The following MGAT3 variants were observed in gnomAD, a reference collection of about 807,000 sequenced individuals.
MGAT3 encodes beta-1,4-mannosyl-glycoprotein 4-beta-N-acetylglucosaminyltransferase, also known as GlcNAc-T III.
A neutral mutation model predicts 29.8 loss-of-function variants in MGAT3; 9 were observed. The ratio of observed to expected loss-of-function variants is 0.30; its 90% CI spans 0.18 to 0.53. MGAT3 has a LOEUF of 0.53. Ranked by LOEUF, MGAT3 falls within the 20% of genes least tolerant of loss-of-function variation. The pLI, the probability that MGAT3 is intolerant of heterozygous loss-of-function variation, is 0.96. For synonymous variants in MGAT3, 397 were observed against 348.9 expected (o/e 1.14, Z -1.54); for missense variants, 557 against 769.5 (o/e 0.72, Z 3.27).
chr22:39,476,168 T>A (rs190495321), intron 1 of MGAT3, among the ~76,000 whole-genome samples: 141 of 101,992 alleles, frequency 1.4e-3, no homozygotes, highest in Middle Eastern at 8.3e-3. Context: ...GGGGAGAGAG[T>A]GGTGCACAGG....
chr22:39,467,462 T>C (rs1345924532), intron 1 of MGAT3, among the ~76,000 whole-genome samples: 2 of 152,218 alleles, frequency 1.3e-5, no homozygotes, highest in East Asian at 3.9e-4. Context: ...CAGCCCCATC[T>C]CTTTGGTTCC....
intron 1 of MGAT3, among the ~76,000 whole-genome samples, chr22:39,473,183 T>G (rs1288445006): frequency 6.6e-6 from 1 of 152,168 alleles, no homozygotes; most frequent in African/African-American, 2.4e-5. Context: ...ATTCCCCTCC[T>G]TAGTCCTGTG....
intron 1 of MGAT3, among the ~76,000 whole-genome samples, chr22:39,462,226 C>T (rs1416488696): frequency 6.6e-6 from 1 of 152,208 alleles, no homozygotes; most frequent in East Asian, 1.9e-4. Flanking sequence ...TACATCTTAG[C>T]TGCAGCATCT....
intron 1 of MGAT3, chr22:39,477,686 G>T (rs988827923): frequency 6.6e-6 from 1 of 152,204 alleles, no homozygotes; most frequent in Non-Finnish European, 1.5e-5. Context: ...CTTTTAGATC[G>T]GAGAAGACTG....
At chr22:39,475,128 CTTTTTTTT>C (rs58543840) in intron 1 of MGAT3, among the ~76,000 whole-genome samples, 1 of 118,800 alleles carries the variant, frequency 8.4e-6, no homozygotes, top group African/African-American at 3.7e-5. Flanking sequence ...GCTTGCCAGG[CTTTTTTTT>C]TTTTTTTTTT....
intron 1 of MGAT3, among the ~76,000 whole-genome samples, chr22:39,470,041 C>T (rs942855723): frequency 1.3e-5 from 2 of 152,252 alleles, no homozygotes; most frequent in African/African-American, 4.8e-5. Context: ...TCCATGTCAT[C>T]CAGCAGCTGT....
At position 39,489,063 on chromosome 22, in the gene MGAT3, G is replaced by GTGGGGGGGGGT; in HGVS notation, c.*114_*115insTGGGGGGGGGT. 1.3e-6 allele frequency: 1 copy of GTGGGGGGGGGT among 779,756 alleles called. No individual in the cohort carries two copies. Among genetic ancestry groups the GTGGGGGGGGGT allele is most frequent in the Non-Finnish European group, 1.9e-6 (1 of 520,812 alleles). 48.3% of individuals were successfully genotyped at this position (779,756 alleles called of 1,614,324 possible). ...CTTGAGGGGACCAGGAGTGGGTGGG[G>GTGGGGGGGGGT]AGTGGGGGTGGGGGTAGGGTTTCCC... is the stretch of plus-strand genomic sequence containing the variant. On this transcript the variant is annotated 3_prime_UTR_variant, in exon 2 of 2. Coordinates refer to ENST00000341184, the MANE Select transcript of MGAT3 (RefSeq NM_002409.5).
chr22:39,482,798 A>C (rs184026288), intron 1 of MGAT3, among the ~76,000 whole-genome samples: 5 of 152,300 alleles, frequency 3.3e-5, no homozygotes, highest in African/African-American at 1.2e-4. Context: ...CTGAGTGATG[A>C]GGGAAACATG....
chr22:39,470,365 G>A (rs1928773245), intron 1 of MGAT3, among the ~76,000 whole-genome samples: 1 of 152,226 alleles, frequency 6.6e-6, no homozygotes. Flanking sequence ...ACCCTGGAAT[G>A]GGGCCATGCC....
intron 1 of MGAT3, among the ~76,000 whole-genome samples, chr22:39,467,845 G>T (rs537858960): frequency 9.4e-5 from 14 of 148,292 alleles, no homozygotes; most frequent in African/African-American, 3.5e-4. Flanking sequence ...AGAACCTTCA[G>T]ATGCAGACAG....
intron 1 of MGAT3, among the ~76,000 whole-genome samples, chr22:39,483,082 TC>T (rs1353909557): frequency 1.3e-5 from 2 of 152,242 alleles, no homozygotes; most frequent in African/African-American, 4.8e-5. Context: ...AAGCCTTTGT[TC>T]ATGCTGCCAG....
intron 1 of MGAT3, among the ~76,000 whole-genome samples, chr22:39,471,440 A>G (rs948990780): frequency 3.9e-5 from 6 of 152,062 alleles, no homozygotes; most frequent in Non-Finnish European, 2.9e-5. Context: ...TCTAACCTGA[A>G]GCTTTGTTAA....
intron 1 of MGAT3, among the ~76,000 whole-genome samples, chr22:39,459,790 G>A (rs1210890363): frequency 6.6e-6 from 1 of 152,246 alleles, no homozygotes; most frequent in East Asian, 1.9e-4. Flanking sequence ...GAGTTGCAGA[G>A]AGGGTTGAAT....
intron 1 of MGAT3, chr22:39,486,310 A>G: frequency 3.3e-6 from 1 of 304,066 alleles, no homozygotes; most frequent in South Asian, 2.5e-5. Context: ...ACACTCAGCT[A>G]ACTTTTGTAT....
chr22:39,469,114 G>A (rs1928736400), intron 1 of MGAT3, among the ~76,000 whole-genome samples: 1 of 148,472 alleles, frequency 6.7e-6, no homozygotes, highest in South Asian at 2.1e-4. Context: ...TGCCTTGGTG[G>A]TGTGGGGAGG....
chr22:39,482,147 A>ATTTT (rs11380222), intron 1 of MGAT3, among the ~76,000 whole-genome samples: 4 of 134,098 alleles, frequency 3.0e-5, no homozygotes, highest in Non-Finnish European at 3.1e-5. Flanking sequence ...GGCACTGCTA[A>ATTTT]TTTTTTTTTT....
intron 1 of MGAT3, among the ~76,000 whole-genome samples, chr22:39,473,132 G>T (rs1199497274): frequency 6.6e-6 from 1 of 152,150 alleles, no homozygotes; most frequent in Non-Finnish European, 1.5e-5. Context: ...AGCCCCGTCA[G>T]AGGGCGGCTC....
In MGAT3 at chr22:39,489,809, C is replaced by T. The variant is rs1929402577; in HGVS notation, c.*860C>T. The T allele has an allele frequency of 6.0e-6, 1 of 167,492 alleles. No individual in the cohort carries two copies. The highest frequency in any genetic ancestry group is 2.4e-5 in the African/African-American group (1 of 41,456). 10.4% of individuals were successfully genotyped at this position (167,492 alleles called of 1,614,324 possible). On this transcript the variant is annotated 3_prime_UTR_variant, in exon 2 of 2. Transcript: ENST00000341184. Reference sequence around the variant, plus strand: ...GGGGAAGTGGGGAGGAGAAGACTGACATGAGTCCTCTGCACGGATCCGTCT... The same window carrying T: ...GGGGAAGTGGGGAGGAGAAGACTGATATGAGTCCTCTGCACGGATCCGTCT...
In MGAT3 at chr22:39,487,213, C is replaced by A; in HGVS notation, c.-1-134C>A. ...GAGTTGACTCTTGGGGGCAGGAGGT[C>A]ACTCCATGCAGGGGCAGCAGGTGCT... On this transcript the variant is annotated intron_variant, in intron 1 of 1. Coordinates refer to ENST00000341184, the MANE Select transcript of MGAT3 (RefSeq NM_002409.5). The surrounding 1 kb of genome is among the most constrained non-coding windows in gnomAD (Gnocchi z 5.7). 2.2e-6 allele frequency: 2 copies of A among 924,848 alleles called. No homozygotes were observed. Among genetic ancestry groups the A allele is most frequent in the Non-Finnish European group, 3.3e-6 (2 of 608,964 alleles). 57.3% of individuals were successfully genotyped at this position (924,848 alleles called of 1,614,324 possible). A position where few individuals can be genotyped will look rare whatever the true frequency, so the allele number is the denominator to read the frequency against.
Sources: gnomAD v4.1 joint callset for allele counts (sites outside exome capture counted in the v4.1 genomes callset) on GRCh38, gnomAD v4.1.1 for gene constraint, Gnocchi (gnomAD v3.1) non-coding constraint, MANE v1.5 for transcripts, NCBI Gene and HGNC (gene_info 2026-07-23, HGNC 2026-07-21) for gene names.